The following TSPAN32 variants were observed in gnomAD, a reference collection of about 807,000 sequenced individuals.
TSPAN32 encodes the protein tetraspanin-32.
In TSPAN32, 47 loss-of-function variants were observed where a neutral mutation model predicts 42.7. The observed-to-expected ratio is 1.10, with a 90% CI of 0.87 to 1.40. The LOEUF (loss-of-function observed/expected upper bound fraction) is 1.40. Among genes scored for constraint, TSPAN32 ranks in the 40% most tolerant of loss-of-function variants. The pLI is 0.00. For synonymous variants in TSPAN32, 175 were observed against 175.9 expected (o/e 0.99, Z 0.04); for missense variants, 469 against 424.1 (o/e 1.11, Z -0.93).
At chr11:2,309,180 A>G (rs1325272906) in intron 4 of TSPAN32, 8 of 385,178 alleles carry the variant, frequency 2.1e-5, no homozygotes, top group East Asian at 1.9e-4. Context: ...GGGGTTGACT[A>G]GAAGGAGCAG....
chr11:2,311,063 GC>G (rs1848430028), intron 4 of TSPAN32, among the ~76,000 whole-genome samples: 1 of 152,212 alleles, frequency 6.6e-6, no homozygotes, highest in South Asian at 2.1e-4. Flanking sequence ...CCAGAGCCCA[GC>G]CCGGCCCATT....
At position 2,312,760 on chromosome 11, in the gene TSPAN32, G is replaced by T. The variant is rs566182315; in HGVS notation, c.355-894G>T. On this transcript the variant is annotated intron_variant, in intron 4 of 9. Coordinates refer to ENST00000182290, the MANE Select transcript of TSPAN32 (RefSeq NM_139022.3). ...GCTTCCATCCTCCCCCAGCCCTTTG[G>T]GGCAGCTGCTGAGCACCCCCTTCAT... 7.7e-4 allele frequency among the ~76,000 whole-genome samples: 118 copies of T among 152,308 alleles called. 1 individual carries two copies. The South Asian group carries it at 0.022, about 28-fold the overall frequency.
At position 2,307,742 on chromosome 11, in the gene TSPAN32, C is replaced by T. The variant is rs568371118; in HGVS notation, c.280-994C>T. On this transcript the variant is annotated intron_variant, in intron 3 of 9. Transcript: ENST00000182290. ...CCGGGGGCGGGTGCGCAGACGTTTC[C>T]ACCAGAGAACGCCCCACTCCACGAC... Among the ~76,000 whole-genome samples, 31 of 152,240 alleles carry T rather than the reference C, an allele frequency of 2.0e-4. No homozygotes were observed. The Middle Eastern group carries it at 0.01, about 50-fold the overall frequency.
Position 2,314,497 on chromosome 11 carries a change from G to T in TSPAN32, c.469G>T (p.Gly157Trp). The T allele has an allele frequency of 6.2e-7, 1 of 1,612,250 alleles. No individual in the cohort carries two copies. The highest frequency in any genetic ancestry group is 1.1e-5 in the South Asian group (1 of 90,510). Residue 157 changes from glycine (G) to tryptophan (W), a missense_variant, in exon 6 of 10, where the codon GGG (glycine) becomes TGG (tryptophan). Transcript: ENST00000182290. ...TCTGTTCCTGTAGTTTCTGTGCTGT[G>T]GGAAGAAGTCTCCTTTCAGCCGTCT... ...AAIQDVFLCC[G>W]KKSPFSRLGS...
intron 4 of TSPAN32, among the ~76,000 whole-genome samples, chr11:2,311,014 G>C (rs1848426988): frequency 6.6e-6 from 1 of 152,240 alleles, no homozygotes; most frequent in South Asian, 2.1e-4. Flanking sequence ...AAGGCCCCAA[G>C]CTGTTGGCAC....
rs928753402 is a variant in TSPAN32 at position 2,302,699 on chromosome 11, C to T, written c.67-145C>T. 9 of 680,608 alleles carry T rather than the reference C, an allele frequency of 1.3e-5. No individual in the cohort carries two copies. The East Asian group carries it at 1.4e-4, about 10-fold the overall frequency. The allele number at this position is 680,608 out of a possible 1,614,324, so 42.2% of individuals were successfully genotyped here. ...GTGAAGGCCTCCTGAGACCACTCCA[C>T]GGAAACACCGGGAATCCCTGCAGCT... is the stretch of plus-strand genomic sequence containing the variant. On this transcript the variant is annotated intron_variant, in intron 1 of 9. Transcript: ENST00000182290.
At position 2,317,488 on chromosome 11, in the gene TSPAN32, G is replaced by T; in HGVS notation, c.864G>T (p.Ala288=). ...GGTGGCTGCAGGAGAGCGATGCTGC[G>T]CCTCTGCCCCTCTCCTGCCACCTGG... ...SLRWLQESDA[A]PLPLSCHLAA... The change falls in exon 9 of 10, where the codon GCG becomes GCT. Residue 288 remains alanine (A), a synonymous_variant. Transcript: ENST00000182290. This position sits in a 1 kb window ranked among gnomAD's most constrained non-coding sequence, Gnocchi z 6.2. 1 of 1,595,038 alleles carries T rather than the reference G, an allele frequency of 6.3e-7. No individual in the cohort carries two copies. The highest frequency in any genetic ancestry group is 8.5e-7 in the Non-Finnish European group (1 of 1,171,704).
At chr11:2,312,635 C>T (rs1164952697) in intron 4 of TSPAN32, among the ~76,000 whole-genome samples, 1 of 152,224 alleles carries the variant, frequency 6.6e-6, no homozygotes, top group African/African-American at 2.4e-5. Flanking sequence ...TGGCCGCTGT[C>T]AGGGCCTGCC....
chr11:2,305,925 T>C (rs1416581269), intron 3 of TSPAN32, among the ~76,000 whole-genome samples: 2 of 152,298 alleles, frequency 1.3e-5, no homozygotes, highest in East Asian at 1.9e-4. Flanking sequence ...ACCTGCTCCA[T>C]TGAGCTGCAT....
At chr11:2,315,186 T>G in intron 6 of TSPAN32, 5 of 383,492 alleles carry the variant, frequency 1.3e-5, no homozygotes, top group Non-Finnish European at 1.6e-5. Context: ...GCCCCCTCCC[T>G]GCTCCCCTCC....
intron 3 of TSPAN32, among the ~76,000 whole-genome samples, chr11:2,305,398 G>C (rs1032546168): frequency 6.7e-6 from 1 of 149,280 alleles, no homozygotes; most frequent in Non-Finnish European, 1.5e-5. Context: ...TGTGTGGCCT[G>C]CAAAGGGACA....
chr11:2,302,957 G>T lies in TSPAN32; in HGVS notation c.180G>T (p.Trp60Cys). The T allele has an allele frequency of 6.2e-7, 1 of 1,612,874 alleles. No individual in the cohort carries two copies. The highest frequency in any genetic ancestry group is 1.1e-5 in the South Asian group (1 of 91,044). The change falls in exon 2 of 10, where the codon TGG becomes TGT. Residue 60 changes from tryptophan to cysteine, a missense_variant and splice_region_variant. Coordinates refer to ENST00000182290, the MANE Select transcript of TSPAN32 (RefSeq NM_139022.3). ...EKNPYQAVHQ[W>C]AFSAGLSLVG... The stretch of plus-strand genomic sequence containing the variant: ...ACCCGTACCAGGCTGTGCACCAATG[G>T]GGTAAGTGAGGTCCAGGCCTGGCTG...
intron 6 of TSPAN32, chr11:2,316,023 G>A (rs1314176389): frequency 3.9e-6 from 6 of 1,534,462 alleles, no homozygotes; most frequent in South Asian, 1.2e-5. Flanking sequence ...TGCCCACAGA[G>A]GCCAGCCCTG....
intron 2 of TSPAN32, among the ~76,000 whole-genome samples, chr11:2,303,642 G>A (rs1819363728): frequency 1.3e-5 from 2 of 152,160 alleles, no homozygotes; most frequent in African/African-American, 2.4e-5. Flanking sequence ...AGAACCCAAT[G>A]CTTTTCCCCA....
At chr11:2,315,795 G>A (rs1327160552) in intron 6 of TSPAN32, 47 of 1,310,170 alleles carry the variant, frequency 3.6e-5, no homozygotes, top group South Asian at 2.8e-4. Context: ...GGGACTGTGC[G>A]GGGACCCCCC....
At chr11:2,311,006 G>A (rs1848426609) in intron 4 of TSPAN32, among the ~76,000 whole-genome samples, 1 of 152,258 alleles carries the variant, frequency 6.6e-6, no homozygotes, top group South Asian at 2.1e-4. Context: ...AAAGGCCAAA[G>A]GCCCCAAGCT....
At chr11:2,306,812 G>C (rs1848118719) in intron 3 of TSPAN32, 2 of 63,192 alleles carry the variant, frequency 3.2e-5, no homozygotes, top group Admixed American at 2.6e-4. Flanking sequence ...GAGGGAAAAG[G>C]GGGGAGAAGG....
At chr11:2,309,768 G>A (rs1007439273) in intron 4 of TSPAN32, among the ~76,000 whole-genome samples, 3 of 152,164 alleles carry the variant, frequency 2.0e-5, no homozygotes, top group Admixed American at 1.3e-4. Context: ...TTCTTGAGCT[G>A]TGCTGGCAGC....
Position 2,304,079 on chromosome 11 carries a change from A to G in TSPAN32, c.182-28A>G, listed in dbSNP as rs557706830. On this transcript the variant is annotated intron_variant, in intron 2 of 9. Coordinates refer to ENST00000182290, the MANE Select transcript of TSPAN32 (RefSeq NM_139022.3). This position sits in a 1 kb window ranked among gnomAD's most constrained non-coding sequence, Gnocchi z 4.8. The stretch of plus-strand genomic sequence containing the variant: ...CTCAGGACCTGTCCTGGGCACCCCT[A>G]ACCCTCCTCCTCTCTCCTCCCAACC... The G allele has an allele frequency of 2.6e-6, 4 of 1,545,738 alleles. No homozygotes were observed. The highest frequency in any genetic ancestry group is 3.9e-5 in the Admixed American group (2 of 51,682).
Sources: gnomAD v4.1 joint callset for allele counts (sites outside exome capture counted in the v4.1 genomes callset) on GRCh38, gnomAD v4.1.1 for gene constraint, Gnocchi (gnomAD v3.1) non-coding constraint, MANE v1.5 for transcripts, NCBI Gene and HGNC (gene_info 2026-07-23, HGNC 2026-07-21) for gene names.